SCCPDH: variants seen among roughly 807,000 people sequenced by gnomAD.
SCCPDH encodes saccharopine dehydrogenase (putative), also known as saccharopine dehydrogenase-like oxidoreductase.
SCCPDH carries 34 observed loss-of-function variants against 51.5 expected under a neutral mutation model. That is an observed-to-expected ratio of 0.66 (90% CI 0.50 to 0.88). The LOEUF is 0.88. Among genes scored for constraint, SCCPDH ranks in the 40% least tolerant of loss-of-function variants. The pLI, the probability that SCCPDH is intolerant of heterozygous loss-of-function variation, is 0.00. For missense variants in SCCPDH, 464 were observed against 527.1 expected (o/e 0.88, Z 1.17); for synonymous variants, 187 against 191.3 (o/e 0.98, Z 0.19).
intron 1 of SCCPDH, among the ~76,000 whole-genome samples, chr1:246,725,462 G>A (rs1158442186): frequency 1.3e-5 from 2 of 151,218 alleles, no homozygotes; most frequent in Non-Finnish European, 2.9e-5. Flanking sequence ...TTACGACTCC[G>A]TAGCCTTTAA....
chr1:246,724,867 T>C (rs555891577), intron 1 of SCCPDH, among the ~76,000 whole-genome samples: 2 of 152,270 alleles, frequency 1.3e-5, no homozygotes, highest in African/African-American at 4.8e-5. Context: ...CTTTCCCGCT[T>C]TTTGCATTTC....
chr1:246,727,883 G>C (rs1558165593), intron 2 of SCCPDH, among the ~76,000 whole-genome samples: 3 of 152,168 alleles, frequency 2.0e-5, no homozygotes, highest in Admixed American at 2.0e-4. Flanking sequence ...CCATGGCCAG[G>C]ATGTGGATTT....
intron 4 of SCCPDH, among the ~76,000 whole-genome samples, chr1:246,742,562 C>G (rs1668697035): frequency 1.3e-5 from 2 of 152,154 alleles, no homozygotes; most frequent in African/African-American, 4.8e-5. Flanking sequence ...CAGAATCGCT[C>G]TAGTGAGTTA....
rs115044793 is a variant in SCCPDH, at chr1:246,740,486, G to A, written c.514+185G>A. ...ATAAAATGCTATTGAGACTATTGTT[G>A]AGACATGGATAATACTGTATTTTAC... On this transcript the variant is annotated intron_variant, in intron 4 of 11. Coordinates refer to ENST00000366510, the MANE Select transcript of SCCPDH (RefSeq NM_016002.3). Among the ~76,000 whole-genome samples, 1,049 of 152,244 alleles carry A rather than the reference G, an allele frequency of 6.9e-3. 12 individuals are homozygous for A. The highest frequency in any genetic ancestry group is 0.024 in the African/African-American group (995 of 41,532).
rs187416936 is a variant in SCCPDH, at chr1:246,731,488, G to A, written c.303+4484G>A. 2.0e-5 allele frequency among the ~76,000 whole-genome samples: 3 copies of A among 152,346 alleles called. No individual in the cohort carries two copies. The East Asian group carries it at 5.8e-4, about 29-fold the overall frequency. Reference sequence around the variant, plus strand: ...TGAGAAGTGAGCCTGTGGCTGTAAGGCAGAGCCTGGAGGAGCTGGGAGTTG... The same window carrying A: ...TGAGAAGTGAGCCTGTGGCTGTAAGACAGAGCCTGGAGGAGCTGGGAGTTG... On this transcript the variant is annotated intron_variant, in intron 2 of 11. Coordinates refer to ENST00000366510, the MANE Select transcript of SCCPDH (RefSeq NM_016002.3).
chr1:246,744,701 G>A (rs1668732561), intron 5 of SCCPDH, among the ~76,000 whole-genome samples: 1 of 152,070 alleles, frequency 6.6e-6, no homozygotes, highest in African/African-American at 2.4e-5. Context: ...CTCAATCTCT[G>A]CCTCCCGGAT....
intron 2 of SCCPDH, among the ~76,000 whole-genome samples, chr1:246,728,137 G>C (rs1268526720): frequency 6.6e-6 from 1 of 152,208 alleles, no homozygotes; most frequent in African/African-American, 2.4e-5. Flanking sequence ...CAGGCCATCA[G>C]ACTTTTGGCC....
chr1:246,738,817 C>G (rs1668636829), intron 3 of SCCPDH, among the ~76,000 whole-genome samples: 1 of 152,172 alleles, frequency 6.6e-6, no homozygotes, highest in African/African-American at 2.4e-5. Context: ...TGCACCATCG[C>G]ACTCCAGCCC....
chr1:246,739,375 C>T (rs1395737755), intron 3 of SCCPDH, among the ~76,000 whole-genome samples: 1 of 152,140 alleles, frequency 6.6e-6, no homozygotes, highest in Non-Finnish European at 1.5e-5. Context: ...TAGAGGGGCA[C>T]TCTACAAAAT....
At chr1:246,731,407 CA>C (rs1668488061) in intron 2 of SCCPDH, among the ~76,000 whole-genome samples, 2 of 152,214 alleles carry the variant, frequency 1.3e-5, no homozygotes, top group African/African-American at 2.4e-5. Flanking sequence ...TACTTCACTG[CA>C]GCCTGCCAGT....
chr1:246,745,669 GTACT>G (rs10567587), intron 5 of SCCPDH, among the ~76,000 whole-genome samples: 7,986 of 152,176 alleles, frequency 0.052, 374 homozygotes, highest in East Asian at 0.17. Flanking sequence ...ATAAGAGGAA[GTACT>G]TTCTTCATCT....
chr1:246,738,488 C>A (rs571967774), intron 3 of SCCPDH, among the ~76,000 whole-genome samples: 20 of 148,664 alleles, frequency 1.3e-4, no homozygotes, highest in African/African-American at 5.0e-4. Context: ...TCCAGCCTGG[C>A]GACAGAGTGG....
intron 5 of SCCPDH, among the ~76,000 whole-genome samples, chr1:246,749,750 T>C (rs1668823704): frequency 1.3e-5 from 2 of 152,238 alleles, no homozygotes; most frequent in South Asian, 4.1e-4. Context: ...CAGTTCATAC[T>C]GGACTCTTTG....
At chr1:246,752,321 A>G (rs1308872275) in intron 5 of SCCPDH, among the ~76,000 whole-genome samples, 2 of 152,164 alleles carry the variant, frequency 1.3e-5, no homozygotes, top group Non-Finnish European at 2.9e-5. Flanking sequence ...GGCTTCTCCT[A>G]GCATTTAACT....
At chr1:246,754,871 T>G (rs886514788) in intron 5 of SCCPDH, among the ~76,000 whole-genome samples, 26 of 152,242 alleles carry the variant, frequency 1.7e-4, no homozygotes, top group East Asian at 7.7e-4. Flanking sequence ...GTGTCAGTTT[T>G]GTTGACCTCT....
rs144679655 is a variant in SCCPDH at position 246,731,015 on chromosome 1, G to A, written c.303+4011G>A. Among the ~76,000 whole-genome samples, 452 of 152,300 alleles carry A rather than the reference G, an allele frequency of 3.0e-3. 1 individual carries two copies. Among genetic ancestry groups the A allele is most frequent in the Non-Finnish European group, 5.4e-3 (365 of 68,026 alleles). ...GCGGAGGTTACAGTGAGCTGAGATT[G>A]CGCCATTGTATTCAAGCCTGGGCAG... On this transcript the variant is annotated intron_variant, in intron 2 of 11. Transcript: ENST00000366510.
chr1:246,732,255 A>G (rs183999597), intron 2 of SCCPDH, among the ~76,000 whole-genome samples: 143 of 152,288 alleles, frequency 9.4e-4, no homozygotes, highest in African/African-American at 3.3e-3. Flanking sequence ...TTTATAGTAA[A>G]TTAGATGAGT....
chr1:246,755,169 G>A (rs572935635), intron 5 of SCCPDH, among the ~76,000 whole-genome samples: 8 of 152,242 alleles, frequency 5.3e-5, no homozygotes, highest in South Asian at 2.1e-4. Context: ...AGGATCCAGC[G>A]TATTCATGGA....
chr1:246,748,504 T>C (rs1668796839), intron 5 of SCCPDH, among the ~76,000 whole-genome samples: 1 of 152,204 alleles, frequency 6.6e-6, no homozygotes, highest in Admixed American at 6.5e-5. Context: ...ACCATTCTGT[T>C]TTCCCAAGCC....
Sources: gnomAD v4.1 joint callset for allele counts (sites outside exome capture counted in the v4.1 genomes callset) on GRCh38, gnomAD v4.1.1 for gene constraint, MANE v1.5 for transcripts, NCBI Gene and HGNC (gene_info 2026-07-23, HGNC 2026-07-21) for gene names.